Variants in DPP8 observed in about 807,000 individuals in gnomAD.
DPP8 encodes DPP VIII.
In DPP8, 31 loss-of-function variants were observed where a neutral mutation model predicts 107.5. The observed-to-expected ratio is 0.29, with a 90% confidence interval of 0.22 to 0.39. The LOEUF (loss-of-function observed/expected upper bound fraction) is 0.39. DPP8 is among the 10% of genes least tolerant of loss of function. DPP8 has a pLI of 1.00. For missense variants in DPP8, 842 were observed against 1,076.1 expected (o/e 0.78, Z 3.04); for synonymous variants, 381 against 356.6 (o/e 1.07, Z -0.77).
chr15:65,510,879 A>G (rs188055151), intron 2 of DPP8, among the ~76,000 whole-genome samples: 1 of 152,156 alleles, frequency 6.6e-6, no homozygotes. Context: ...GCTCAACCTC[A>G]CTCATAAGAG....
At position 65,446,634 on chromosome 15, in the gene DPP8, TTTA is replaced by T; in HGVS notation, c.*247_*249del. ...CTAATGTCTTTTTTTTTTTTTTTTT[TTTA>T]GTAATTCTTATGGTATTGCTGGGTC... On this transcript the variant is annotated 3_prime_UTR_variant, in exon 20 of 20. Coordinates refer to ENST00000300141, the MANE Select transcript of DPP8 (RefSeq NM_130434.5). 1 of 180,900 alleles carries T rather than the reference TTTA, an allele frequency of 5.5e-6. No individual in the cohort carries two copies. The highest frequency in any genetic ancestry group is 2.3e-5 in the African/African-American group (1 of 42,564). The allele number at this position is 180,900 out of a possible 1,614,324, so 11.2% of individuals were successfully genotyped here. A position where few individuals can be genotyped will look rare whatever the true frequency, so the allele number is the denominator to read the frequency against.
intron 5 of DPP8, among the ~76,000 whole-genome samples, chr15:65,496,991 G>T (rs1159190229): frequency 3.9e-5 from 6 of 152,120 alleles, no homozygotes; most frequent in Admixed American, 1.3e-4. Flanking sequence ...CCAGGTTCAA[G>T]CAATTCTCCC....
At chr15:65,508,633 A>AC (rs2070371183) in intron 2 of DPP8, among the ~76,000 whole-genome samples, 1 of 152,158 alleles carries the variant, frequency 6.6e-6, no homozygotes, top group East Asian at 1.9e-4. Context: ...TGGGCGGATT[A>AC]CCTGAGGTCA....
chr15:65,502,089 C>T (rs1486841501), intron 3 of DPP8, among the ~76,000 whole-genome samples: 3 of 152,126 alleles, frequency 2.0e-5, no homozygotes, highest in Non-Finnish European at 4.4e-5. Flanking sequence ...TGGAGTTTCG[C>T]CATGTTGGCC....
At chr15:65,515,583 A>G in intron 1 of DPP8, 1 of 1,320,180 alleles carries the variant, frequency 7.6e-7, no homozygotes, top group Non-Finnish European at 1.1e-6. Flanking sequence ...GGGTCAGTGT[A>G]CCTTCTCAGC....
chr15:65,516,262 T>C (rs1423066413), intron 1 of DPP8: 1 of 154,160 alleles, frequency 6.5e-6, no homozygotes, highest in Non-Finnish European at 1.4e-5. Flanking sequence ...AGGCCATTTT[T>C]GCAGAAAGGG....
At chr15:65,449,155 A>G (rs1334471634) in intron 19 of DPP8, among the ~76,000 whole-genome samples, 1 of 145,542 alleles carries the variant, frequency 6.9e-6, no homozygotes, top group African/African-American at 2.5e-5. Flanking sequence ...GGTTGCAGTT[A>G]GCCAAGATCA....
intron 1 of DPP8, chr15:65,516,389 T>C (rs910180113): frequency 6.6e-6 from 1 of 152,152 alleles, no homozygotes; most frequent in Admixed American, 6.6e-5. Context: ...ATAGGTAACT[T>C]TTCTGGAAAA....
In DPP8 at chr15:65,452,116, C is replaced by T. The variant is rs374588098; in HGVS notation, c.2272-14G>A. The T allele has an allele frequency of 3.7e-5, 59 of 1,594,768 alleles. No individual in the cohort carries two copies. The African/African-American group carries it at 7.5e-4, about 20-fold the overall frequency. On this transcript the variant is annotated splice_polypyrimidine_tract_variant and intron_variant, in intron 17 of 19. Coordinates refer to ENST00000300141, the MANE Select transcript of DPP8 (RefSeq NM_130434.5). ...AGCAATAGCAACCTGCATAAGATGA[C>T]ATTGACAGTCAAGTGTGGTCTGGAA... is the stretch of plus-strand genomic sequence containing the variant.
rs368989553 is a variant in DPP8 at position 65,484,394 on chromosome 15, T to C, written c.1017+705A>G. Among the ~76,000 whole-genome samples the C allele has an allele frequency of 2.0e-4, 31 of 151,358 alleles. 1 individual carries two copies. In the South Asian group the frequency reaches 6.5e-3, roughly 32 times the overall value. The stretch of plus-strand genomic sequence containing the variant: ...GTTGGGGGATGACGGCTCAGGAGTA[T>C]AGGGTATCTTTTTGAGGTAATAACA... On this transcript the variant is annotated intron_variant, in intron 8 of 19. Transcript: ENST00000300141.
At chr15:65,465,757 C>T (rs928980594) in intron 14 of DPP8, among the ~76,000 whole-genome samples, 7 of 151,068 alleles carry the variant, frequency 4.6e-5, no homozygotes, top group Non-Finnish European at 5.9e-5. Context: ...AGGGTTTCAC[C>T]GTGTTAGCCA....
At chr15:65,488,442 A>T (rs985317349) in intron 6 of DPP8, among the ~76,000 whole-genome samples, 5 of 149,326 alleles carry the variant, frequency 3.3e-5, no homozygotes, top group Admixed American at 2.0e-4. Flanking sequence ...CCCCATCTCT[A>T]AAAAAAAATA....
At chr15:65,492,495 A>C (rs8029828) in intron 5 of DPP8, among the ~76,000 whole-genome samples, 143,064 of 152,258 alleles carry the variant, frequency 0.94, 67,216 homozygotes, top group Admixed American at 0.96. Context: ...ATTTTATATT[A>C]TTACTATCAA....
At chr15:65,470,829 G>T (rs1170184582) in intron 12 of DPP8, among the ~76,000 whole-genome samples, 1 of 150,992 alleles carries the variant, frequency 6.6e-6, no homozygotes, top group African/African-American at 2.5e-5. Context: ...TGAAACAGGA[G>T]AACTGCTTGA....
rs1158447165 is a variant in DPP8 at position 65,456,431 on chromosome 15, C to A, written c.1972-60G>T. ...GAAGCATATAAAAACCCAAGAGCGG[C>A]TGGGCATTGCAAGAAATAGAAAGCT... is the stretch of plus-strand genomic sequence containing the variant. On this transcript the variant is annotated intron_variant, in intron 15 of 19. Transcript: ENST00000300141. The A allele has an allele frequency of 1.9e-5, 29 of 1,498,328 alleles. No individual in the cohort carries two copies. In the South Asian group the frequency reaches 1.9e-4, roughly 10 times the overall value. 92.8% of individuals were successfully genotyped at this position (1,498,328 alleles called of 1,614,324 possible). A position where few individuals can be genotyped will look rare whatever the true frequency, so the allele number is the denominator to read the frequency against.
chr15:65,512,364 G>A lies in DPP8; in HGVS notation c.190C>T (p.Pro64Ser). The A allele has an allele frequency of 6.2e-7, 1 of 1,614,038 alleles. No individual in the cohort carries two copies. The highest frequency in any genetic ancestry group is 8.5e-7 in the Non-Finnish European group (1 of 1,180,004). ...KYHGYMMAKA[P>S]HDFMFVKRND... Reference sequence around the variant, plus strand: ...CTCTTCACAAACATGAAATCATGTGGTGCCTTAGCCATCATGTAGCCATGA... The same window carrying A: ...CTCTTCACAAACATGAAATCATGTGATGCCTTAGCCATCATGTAGCCATGA... The change falls in exon 2 of 20, where the codon CCA (proline) becomes TCA (serine). Residue 64 changes from proline (P) to serine (S), a missense_variant. By Grantham distance (74) the Pro-to-Ser change is moderately conservative. Around this residue, in one of 2 missense-constraint regions of DPP8, gnomAD observed 663 missense variants for 758.0 expected, o/e 0.87. Transcript: ENST00000300141.
intron 19 of DPP8, among the ~76,000 whole-genome samples, chr15:65,449,608 C>T (rs2063818999): frequency 6.6e-6 from 1 of 152,056 alleles, no homozygotes; most frequent in African/African-American, 2.4e-5. Flanking sequence ...TGGGGTTTTA[C>T]CATGTTTGCC....
At chr15:65,508,833 CAG>C (rs1161868647) in intron 2 of DPP8, among the ~76,000 whole-genome samples, 1 of 151,106 alleles carries the variant, frequency 6.6e-6, no homozygotes, top group Non-Finnish European at 1.5e-5. Flanking sequence ...GCCTGGGCAA[CAG>C]GGGCAAAACT....
At chr15:65,454,115 T>G in intron 17 of DPP8, 148 bp downstream of exon 17, 1 of 519,018 alleles carries the variant, frequency 1.9e-6, no homozygotes, top group Non-Finnish European at 3.0e-6. Context: ...CCAGCCCGGG[T>G]TACAGAGCAA....
Sources: allele counts gnomAD v4.1 joint callset (sites outside exome capture counted in the v4.1 genomes callset), GRCh38; gene constraint gnomAD v4.1.1; regional missense constraint gnomAD v4.1.1; transcripts MANE v1.5; gene names NCBI Gene and HGNC (gene_info 2026-07-23, HGNC 2026-07-21).